Variants in PABPC4L observed in about 807,000 individuals in gnomAD.
PABPC4L encodes poly(A) binding protein cytoplasmic 4 like.
For missense variants in PABPC4L, 452 were observed against 451.4 expected, an observed-to-expected ratio of 1.00 and a Z score of -0.01; for synonymous variants, 169 against 164.1, an observed-to-expected ratio of 1.03 and a Z score of -0.23.
the PABPC4L span, among the ~76,000 whole-genome samples, chr4:134,025,811 G>A: frequency 6.6e-6 from 1 of 151,988 alleles, no homozygotes; most frequent in Non-Finnish European, 1.5e-5. Context: ...CTATAAGACT[G>A]AAGTTTTGTC....
the PABPC4L span, among the ~76,000 whole-genome samples, chr4:134,185,116 T>C: frequency 6.6e-6 from 1 of 152,050 alleles, no homozygotes; most frequent in East Asian, 1.9e-4. Context: ...CTTCTCATTC[T>C]CTTGACAATA....
At chr4:134,084,963 G>T in the PABPC4L span, among the ~76,000 whole-genome samples, 7 of 152,052 alleles carry the variant, frequency 4.6e-5, no homozygotes, top group Non-Finnish European at 7.4e-5. Context: ...AGGGAAAGGG[G>T]GTCTTGCCAA....
At chr4:134,100,953 C>A in the PABPC4L span, among the ~76,000 whole-genome samples, 2 of 151,450 alleles carry the variant, frequency 1.3e-5, no homozygotes, top group Admixed American at 1.3e-4. Context: ...GATGTATTTT[C>A]TTTCATTTGC....
At chr4:134,144,940 T>A in the PABPC4L span, among the ~76,000 whole-genome samples, 1 of 151,794 alleles carries the variant, frequency 6.6e-6, no homozygotes, top group South Asian at 2.1e-4. Context: ...TAATTAAAAC[T>A]TTTGTGAAGG....
the PABPC4L span, among the ~76,000 whole-genome samples, chr4:134,166,070 A>G: frequency 6.6e-6 from 1 of 152,182 alleles, no homozygotes; most frequent in Admixed American, 6.5e-5. Flanking sequence ...AATGGAAGCT[A>G]AGCTATGGGT....
At chr4:133,962,892 C>T in the PABPC4L span, among the ~76,000 whole-genome samples, 1 of 152,080 alleles carries the variant, frequency 6.6e-6, no homozygotes, top group Admixed American at 6.6e-5. Flanking sequence ...CATGTCAAAA[C>T]AGAACATTTC....
At chr4:134,033,586 A>T in the PABPC4L span, among the ~76,000 whole-genome samples, 2 of 152,002 alleles carry the variant, frequency 1.3e-5, no homozygotes, top group African/African-American at 4.8e-5. Context: ...TTTAGTGAAC[A>T]TACAAATGAT....
At chr4:134,078,022 A>C in the PABPC4L span, among the ~76,000 whole-genome samples, 1 of 152,216 alleles carries the variant, frequency 6.6e-6, no homozygotes, top group East Asian at 1.9e-4. Flanking sequence ...GACAAAAAAG[A>C]TATTTAAAAA....
the PABPC4L span, among the ~76,000 whole-genome samples, chr4:133,951,269 G>A: frequency 6.6e-6 from 1 of 152,086 alleles, no homozygotes; most frequent in Non-Finnish European, 1.5e-5. Flanking sequence ...AAACAGTTAT[G>A]GTTTGATGCC....
chr4:134,181,845 C>T, the PABPC4L span, among the ~76,000 whole-genome samples: 2 of 151,720 alleles, frequency 1.3e-5, no homozygotes, highest in African/African-American at 4.8e-5. Flanking sequence ...ACGAGAATTA[C>T]AAGATGCTAC....
the PABPC4L span, among the ~76,000 whole-genome samples, chr4:134,070,294 C>G: frequency 1.3e-5 from 2 of 152,042 alleles, no homozygotes; most frequent in Non-Finnish European, 2.9e-5. Context: ...CAAGCTTGTT[C>G]ACAAGTGCCA....
chr4:134,077,286 C>T, the PABPC4L span, among the ~76,000 whole-genome samples: 2 of 152,036 alleles, frequency 1.3e-5, no homozygotes, highest in African/African-American at 4.8e-5. Context: ...TTCAGTGCAG[C>T]CATAAATATA....
chr4:134,123,900 G>A, the PABPC4L span, among the ~76,000 whole-genome samples: 1 of 151,838 alleles, frequency 6.6e-6, no homozygotes, highest in Non-Finnish European at 1.5e-5. Flanking sequence ...TGAAAAAAAA[G>A]TTGGGTATAC....
the PABPC4L span, among the ~76,000 whole-genome samples, chr4:134,046,560 C>T: frequency 2.0e-5 from 3 of 151,934 alleles, no homozygotes; most frequent in Admixed American, 6.6e-5. Context: ...TCAGCACAGA[C>T]CCCTTACGGG....
the PABPC4L span, among the ~76,000 whole-genome samples, chr4:134,118,301 A>G: frequency 2.8e-4 from 42 of 152,000 alleles, no homozygotes; most frequent in African/African-American, 7.2e-4. Context: ...TGATGGTTCA[A>G]TTGAAAATCA....
At chr4:134,006,357 T>C in the PABPC4L span, among the ~76,000 whole-genome samples, 1 of 151,942 alleles carries the variant, frequency 6.6e-6, no homozygotes, top group African/African-American at 2.4e-5. Context: ...CTTCTAGTAC[T>C]ATAATCTTGG....
the PABPC4L span, among the ~76,000 whole-genome samples, chr4:134,036,176 G>T: frequency 2.0e-5 from 3 of 151,974 alleles, no homozygotes; most frequent in Non-Finnish European, 2.9e-5. Flanking sequence ...TTCTCAATGT[G>T]CTTTCCAACA....
At chr4:134,035,646 A>G in the PABPC4L span, among the ~76,000 whole-genome samples, 1 of 151,998 alleles carries the variant, frequency 6.6e-6, no homozygotes, top group Admixed American at 6.6e-5. Context: ...GAAGATTTCC[A>G]ACAACTTAAT....
At chr4:134,118,732 AC>A in the PABPC4L span, among the ~76,000 whole-genome samples, 3 of 151,688 alleles carry the variant, frequency 2.0e-5, no homozygotes, top group Admixed American at 6.6e-5. Context: ...CTTAAATTCT[AC>A]CTTCCATTTC....
Sources: allele counts gnomAD v4.1 joint callset (sites outside exome capture counted in the v4.1 genomes callset), GRCh38; gene constraint gnomAD v4.1.1; transcripts MANE v1.5; gene names NCBI Gene and HGNC (gene_info 2026-07-23, HGNC 2026-07-21).